PI16: variants seen among roughly 807,000 people sequenced by gnomAD.
The protein encoded by PI16 is peptidase inhibitor 16.
In PI16, 35 loss-of-function variants were observed where a neutral mutation model predicts 38.0. That is an observed-to-expected ratio of 0.92 (90% CI 0.70 to 1.22). The LOEUF is 1.22. Ranked by LOEUF, PI16 falls within the 50% of genes most tolerant of loss-of-function variation. PI16 has a pLI of 0.00. For synonymous variants in PI16, 275 were observed against 252.9 expected (o/e 1.09, Z -0.83); for missense variants, 572 against 593.8 (o/e 0.96, Z 0.38).
intron 1 of PI16, among the ~76,000 whole-genome samples, chr6:36,958,600 G>A (rs992782297): frequency 6.6e-6 from 1 of 152,120 alleles, no homozygotes; most frequent in African/African-American, 2.4e-5. Flanking sequence ...CACTGGGGCG[G>A]GAGCCTGCAG....
Position 36,959,379 on chromosome 6 carries a change from C to A in PI16, c.393+13C>A. ...CCACTACACGCAGGTGTGGGCCCGG[C>A]GGGCGAGGCGGGGCGGAGCCTCGCG... On this transcript the variant is annotated intron_variant, in intron 2 of 6. Transcript: ENST00000373674. The A allele has an allele frequency of 1.9e-6, 3 of 1,541,114 alleles. No individual in the cohort carries two copies. Among genetic ancestry groups the A allele is most frequent in the East Asian group, 2.4e-5 (1 of 40,826 alleles).
upstream of PI16, chr6:36,954,669 C>G: frequency 6.6e-7 from 1 of 1,509,428 alleles, no homozygotes; most frequent in Non-Finnish European, 8.8e-7. Flanking sequence ...GCCCCCACTG[C>G]CCCACCCCAG....
intron 2 of PI16, among the ~76,000 whole-genome samples, 193 bp from the exon 3 acceptor site, chr6:36,961,258 G>A (rs1763358103): frequency 6.6e-6 from 1 of 152,226 alleles, no homozygotes; most frequent in Non-Finnish European, 1.5e-5. Flanking sequence ...AGAGTAGACT[G>A]TTAGGGACAA....
rs201775955 is a variant in PI16, at chr6:36,961,965, T to C, written c.583T>C (p.Ser195Pro). ...TCCCTCTGGCTACCACTGCAAGAAC[T>C]CCCTCTGTGGTGAGTCCACGGGTGG... ...QCPSGYHCKNSLCEPIGSPED... is the reference protein window; with the variant it reads ...QCPSGYHCKNPLCEPIGSPED... The change falls in exon 4 of 7, where the codon TCC becomes CCC. Residue 195 changes from serine to proline, a missense_variant. Transcript: ENST00000373674. 8 of 1,613,630 alleles carry C rather than the reference T, an allele frequency of 5.0e-6. No homozygotes were observed. Among genetic ancestry groups the C allele is most frequent in the Non-Finnish European group, 6.8e-6 (8 of 1,179,708 alleles).
At chr6:36,958,528 C>T (rs1374700846) in intron 1 of PI16, among the ~76,000 whole-genome samples, 2 of 152,000 alleles carry the variant, frequency 1.3e-5, no homozygotes, top group African/African-American at 2.4e-5. Flanking sequence ...CACATAGAGA[C>T]GCTTAATTTT....
At chr6:36,952,002 CTT>C (rs796271084), upstream of PI16, among the ~76,000 whole-genome samples, 3 of 137,614 alleles carry the variant, frequency 2.2e-5, no homozygotes, top group Admixed American at 7.3e-5. Flanking sequence ...GAAATTGTGT[CTT>C]TTTTTTTTTT....
At position 36,961,565 on chromosome 6, in the gene PI16, G is replaced by A. The variant is rs768300754; in HGVS notation, c.503+5G>A. 7 of 1,613,110 alleles carry A rather than the reference G, an allele frequency of 4.3e-6. No homozygotes were observed. Among genetic ancestry groups the A allele is most frequent in the Admixed American group, 3.3e-5 (2 of 60,032 alleles). ...GGTGTGCAACTATGAGCCTCCGTGA[G>A]TGCCGGGGGGAACCCTGGAGATGGA... is the stretch of plus-strand genomic sequence containing the variant. On this transcript the variant is annotated splice_donor_5th_base_variant and intron_variant, in intron 3 of 6. Transcript: ENST00000373674.
At chr6:36,964,016 C>T in intron 6 of PI16, 54 bp downstream of exon 6, 1 of 1,539,102 alleles carries the variant, frequency 6.5e-7, no homozygotes, top group Non-Finnish European at 8.7e-7. Flanking sequence ...TTGTCTTCCT[C>T]CAAGTGAGAG....
chr6:36,948,426 G>A (rs568350039), intron 1 of PI16: 1 of 152,276 alleles, frequency 6.6e-6, no homozygotes, highest in Non-Finnish European at 1.5e-5. Context: ...AATTCCTTGG[G>A]AAGTCTGTTT....
upstream of PI16, among the ~76,000 whole-genome samples, chr6:36,951,248 AT>A (rs989824017): frequency 1.3e-5 from 2 of 151,724 alleles, no homozygotes; most frequent in African/African-American, 4.8e-5. Context: ...ATTTAATCAA[AT>A]TTTTTTTTCT....
At chr6:36,950,304 T>C (rs1312391492), upstream of PI16, among the ~76,000 whole-genome samples, 1 of 152,244 alleles carries the variant, frequency 6.6e-6, no homozygotes, top group Non-Finnish European at 1.5e-5. This position sits in a 1 kb window ranked among gnomAD's most constrained non-coding sequence, Gnocchi z 4.2. Context: ...ATTTGTTCTT[T>C]TGTGTCTGGC....
rs1299613828 is a variant in PI16, at chr6:36,963,179, G to A, written c.837G>A (p.Glu279=). Residue 279 remains glutamate, a synonymous_variant, in exon 5 of 7, where the codon GAG becomes GAA. Coordinates refer to ENST00000373674, the MANE Select transcript of PI16 (RefSeq NM_153370.3). ...ATKDPPSMAT[E]APPCVTTEVP... ...AAGACCCGCCCTCCATGGCAACAGA[G>A]GCTCCACCTTGCGTAACAACTGAGG... The A allele has an allele frequency of 1.2e-6, 2 of 1,614,102 alleles. No individual in the cohort carries two copies. Among genetic ancestry groups the A allele is most frequent in the African/African-American group, 1.3e-5 (1 of 74,936 alleles).
chr6:36,956,139 G>A (rs1480799908), intron 1 of PI16, among the ~76,000 whole-genome samples: 1 of 152,188 alleles, frequency 6.6e-6, no homozygotes. Context: ...TGGGGCTGGC[G>A]ATCCCTGCCC....
intron 1 of PI16, among the ~76,000 whole-genome samples, 184 bp from the exon 2 acceptor site, chr6:36,958,961 G>T (rs530356643): frequency 2.6e-5 from 4 of 152,286 alleles, no homozygotes; most frequent in Admixed American, 2.6e-4. Flanking sequence ...TCCACGGCCT[G>T]GGGTGGCATC....
chr6:36,963,759 G>A, intron 5 of PI16, 64 bp from the exon 6 acceptor site: 3 of 1,534,458 alleles, frequency 2.0e-6, no homozygotes, highest in Non-Finnish European at 2.6e-6. Context: ...CTTGCATGGT[G>A]GGGTGGGCGG....
rs1313086955 is a variant in PI16 at position 36,962,791 on chromosome 6, T to C, written c.593-144T>C. The C allele has an allele frequency of 8.3e-6, 6 of 722,118 alleles. No individual in the cohort carries two copies. Among genetic ancestry groups the C allele is most frequent in the Non-Finnish European group, 1.3e-5 (6 of 447,712 alleles). The allele number at this position is 722,118 out of a possible 1,614,324, so 44.7% of individuals were successfully genotyped here. A position where few individuals can be genotyped will look rare whatever the true frequency, so the allele number is the denominator to read the frequency against. On this transcript the variant is annotated intron_variant, in intron 4 of 6. Coordinates refer to ENST00000373674, the MANE Select transcript of PI16 (RefSeq NM_153370.3). This position sits in a 1 kb window ranked among gnomAD's most constrained non-coding sequence, Gnocchi z 4.1. Reference sequence around the variant, plus strand: ...CCCGGCTTGTAACTTTTATTTTCAATGAGGGGCATATCAGCTGGAGAAGTG... The same window carrying C: ...CCCGGCTTGTAACTTTTATTTTCAACGAGGGGCATATCAGCTGGAGAAGTG...
At chr6:36,953,812 T>A (rs895738570), upstream of PI16, among the ~76,000 whole-genome samples, 2 of 152,192 alleles carry the variant, frequency 1.3e-5, no homozygotes, top group Non-Finnish European at 2.9e-5. Flanking sequence ...CCCTCAGAGC[T>A]CCTGGTGCAT....
Position 36,963,196 on chromosome 6 carries a change from C to T in PI16, c.854C>T (p.Thr285Ile), listed in dbSNP as rs754763464. The T allele has an allele frequency of 6.2e-7, 1 of 1,614,254 alleles. No homozygotes were observed. The highest frequency in any genetic ancestry group is 8.5e-7 in the Non-Finnish European group (1 of 1,180,044). ...GCAACAGAGGCTCCACCTTGCGTAACAACTGAGGTCCCTTCCATTTTGGCA... is the reference window on the plus strand; with the variant it reads ...GCAACAGAGGCTCCACCTTGCGTAATAACTGAGGTCCCTTCCATTTTGGCA... ...SMATEAPPCV[T>I]TEVPSILAAH... The change falls in exon 5 of 7, where the codon ACA becomes ATA. Residue 285 changes from threonine (T) to isoleucine (I), a missense_variant. Thr to Ile is a moderately conservative substitution (Grantham distance 89). Transcript: ENST00000373674.
rs1277063515 is a variant in PI16, at chr6:36,961,573, G to A, written c.503+13G>A. 6 of 1,611,596 alleles carry A rather than the reference G, an allele frequency of 3.7e-6. No individual in the cohort carries two copies. In the Admixed American group the frequency reaches 1.0e-4, roughly 27 times the overall value. ...ACTATGAGCCTCCGTGAGTGCCGGG[G>A]GGAACCCTGGAGATGGAGAGGGGGA... On this transcript the variant is annotated intron_variant, in intron 3 of 6. Coordinates refer to ENST00000373674, the MANE Select transcript of PI16 (RefSeq NM_153370.3).
Sources: gnomAD v4.1 joint callset for allele counts (sites outside exome capture counted in the v4.1 genomes callset) on GRCh38, gnomAD v4.1.1 for gene constraint, Gnocchi (gnomAD v3.1) non-coding constraint, MANE v1.5 for transcripts, NCBI Gene and HGNC (gene_info 2026-07-23, HGNC 2026-07-21) for gene names.